The following BMP6 variants were observed in gnomAD, a reference collection of about 807,000 sequenced individuals.
BMP6 encodes the protein bone morphogenetic protein 6, also known as VG-1-R.
A neutral mutation model predicts 54.1 loss-of-function variants in BMP6; 17 were observed. That is an observed-to-expected ratio of 0.31 (90% CI 0.22 to 0.47). The LOEUF is 0.47. Among genes scored for constraint, BMP6 ranks in the 20% least tolerant of loss-of-function variants. BMP6 has a pLI of 1.00. For missense variants in BMP6, 720 were observed against 690.4 expected (o/e 1.04, Z -0.48); for synonymous variants, 328 against 291.2 (o/e 1.13, Z -1.28).
intron 1 of BMP6, among the ~76,000 whole-genome samples, chr6:7,777,657 C>T (rs1757880940): frequency 6.7e-6 from 1 of 149,766 alleles, no homozygotes; most frequent in Admixed American, 6.7e-5. Context: ...CAAATGAAGA[C>T]CTCTATCTTT....
At chr6:7,860,841 C>T (rs1759321260) in intron 2 of BMP6, among the ~76,000 whole-genome samples, 1 of 151,994 alleles carries the variant, frequency 6.6e-6, no homozygotes, top group African/African-American at 2.4e-5. Context: ...ATTTTCAGTC[C>T]CAATTTCAAA....
At chr6:7,768,907 C>T (rs529791663) in intron 1 of BMP6, among the ~76,000 whole-genome samples, 1 of 152,284 alleles carries the variant, frequency 6.6e-6, no homozygotes, top group East Asian at 1.9e-4. Context: ...CCTTTTCTAC[C>T]ACTTTATGAA....
intron 2 of BMP6, among the ~76,000 whole-genome samples, chr6:7,853,426 T>C (rs1480115570): frequency 6.6e-6 from 1 of 151,694 alleles, no homozygotes; most frequent in Non-Finnish European, 1.5e-5. Flanking sequence ...TGGAGGAGAG[T>C]GGTTTCTTTA....
chr6:7,810,710 T>G (rs528638790), intron 1 of BMP6, among the ~76,000 whole-genome samples: 284 of 152,360 alleles, frequency 1.9e-3, no homozygotes, highest in Middle Eastern at 6.8e-3. Context: ...ATTGCATTCA[T>G]TGTATTTTAC....
At chr6:7,795,644 G>C (rs1758180623) in intron 1 of BMP6, among the ~76,000 whole-genome samples, 1 of 152,162 alleles carries the variant, frequency 6.6e-6, no homozygotes, top group Admixed American at 6.5e-5. Flanking sequence ...CGAAGAGAGT[G>C]CATGGGATAG....
intron 1 of BMP6, among the ~76,000 whole-genome samples, chr6:7,832,628 CTG>C (rs923221161): frequency 4.6e-5 from 7 of 151,772 alleles, no homozygotes; most frequent in Admixed American, 1.3e-4. Flanking sequence ...ACTGTTAAAA[CTG>C]AGTGAAAACA....
rs951091810 is a variant in BMP6, at chr6:7,880,424, T to C, written c.*81T>C. The C allele has an allele frequency of 5.7e-6, 9 of 1,568,318 alleles. No homozygotes were observed. The highest frequency in any genetic ancestry group is 1.1e-5 in the South Asian group (1 of 87,980). Reference sequence around the variant, plus strand: ...GCCTTAAAAAAACACGGAAGCACAGTTGGAGGTGGGACGATGAGACTTTGA... The same window carrying C: ...GCCTTAAAAAAACACGGAAGCACAGCTGGAGGTGGGACGATGAGACTTTGA... On this transcript the variant is annotated 3_prime_UTR_variant, in exon 7 of 7. Transcript: ENST00000283147.
intron 1 of BMP6, among the ~76,000 whole-genome samples, chr6:7,767,528 C>T (rs1188844880): frequency 1.3e-5 from 2 of 152,082 alleles, no homozygotes; most frequent in Admixed American, 6.6e-5. Flanking sequence ...GAGGGGGGAG[C>T]GTCGAGCTTC....
chr6:7,761,492 G>C (rs1757612893), intron 1 of BMP6, among the ~76,000 whole-genome samples: 1 of 152,214 alleles, frequency 6.6e-6, no homozygotes, highest in South Asian at 2.1e-4. Flanking sequence ...TCAATTAATA[G>C]CATAGAGAAA....
Position 7,791,920 on chromosome 6 carries a change from T to C in BMP6, c.665-53220T>C, listed in dbSNP as rs141177947. On this transcript the variant is annotated intron_variant, in intron 1 of 6. Coordinates refer to ENST00000283147, the MANE Select transcript of BMP6 (RefSeq NM_001718.6). ...CCTCCTACTTAAGAATCAAAAACCC[T>C]GTAAGACTTCCTTGACCTCATAAGA... is the stretch of plus-strand genomic sequence containing the variant. 2.0e-5 allele frequency among the ~76,000 whole-genome samples: 3 copies of C among 152,326 alleles called. No homozygotes were observed. In the East Asian group the frequency reaches 5.8e-4, roughly 29 times the overall value.
intron 1 of BMP6, among the ~76,000 whole-genome samples, chr6:7,802,527 A>G (rs1758284073): frequency 6.6e-6 from 1 of 152,240 alleles, no homozygotes; most frequent in African/African-American, 2.4e-5. Flanking sequence ...TTAATGGAAC[A>G]GGCCCACCGT....
At chr6:7,729,769 G>GT (rs1761818946) in intron 1 of BMP6, among the ~76,000 whole-genome samples, 1 of 152,230 alleles carries the variant, frequency 6.6e-6, no homozygotes, top group Admixed American at 6.5e-5. Flanking sequence ...AATCACGTGG[G>GT]TGTTACGTGG....
At chr6:7,827,669 A>C (rs1219732727) in intron 1 of BMP6, among the ~76,000 whole-genome samples, 1 of 152,242 alleles carries the variant, frequency 6.6e-6, no homozygotes, top group African/African-American at 2.4e-5. Flanking sequence ...GAGATGAAGA[A>C]CTGTGAGAGC....
At chr6:7,814,830 G>C (rs1581259721) in intron 1 of BMP6, among the ~76,000 whole-genome samples, 2 of 152,190 alleles carry the variant, frequency 1.3e-5, no homozygotes, top group African/African-American at 4.8e-5. Context: ...GGGTGAGGCA[G>C]GGGAGGGGGA....
chr6:7,856,500 T>A (rs1759234697), intron 2 of BMP6, among the ~76,000 whole-genome samples: 1 of 151,936 alleles, frequency 6.6e-6, no homozygotes, highest in African/African-American at 2.4e-5. Flanking sequence ...AGGAATGTGT[T>A]ATGGAGAAAT....
chr6:7,833,763 A>G (rs1758827444), intron 1 of BMP6, among the ~76,000 whole-genome samples: 1 of 152,230 alleles, frequency 6.6e-6, no homozygotes, highest in Non-Finnish European at 1.5e-5. Flanking sequence ...TAAACTCTTC[A>G]GACATTAGGC....
chr6:7,729,326 GC>G (rs1761809594), intron 1 of BMP6, among the ~76,000 whole-genome samples: 1 of 81,720 alleles, frequency 1.2e-5, no homozygotes, highest in South Asian at 5.0e-4. Flanking sequence ...CTCACCCCCC[GC>G]CCCCACCCCG....
chr6:7,793,932 A>G (rs1000469836), intron 1 of BMP6, among the ~76,000 whole-genome samples: 4 of 152,162 alleles, frequency 2.6e-5, no homozygotes, highest in African/African-American at 9.7e-5. Flanking sequence ...CACCTAGTCC[A>G]GGCTCGCATC....
At chr6:7,858,011 C>G (rs1051123611) in intron 2 of BMP6, among the ~76,000 whole-genome samples, 2 of 152,156 alleles carry the variant, frequency 1.3e-5, no homozygotes, top group African/African-American at 4.8e-5. Flanking sequence ...CAGCTGACAC[C>G]AGCCACCTCG....
Sources: gnomAD v4.1 joint callset for allele counts (sites outside exome capture counted in the v4.1 genomes callset) on GRCh38, gnomAD v4.1.1 for gene constraint, MANE v1.5 for transcripts, NCBI Gene and HGNC (gene_info 2026-07-23, HGNC 2026-07-21) for gene names.